TRAPPC8: variants seen among roughly 807,000 people sequenced by gnomAD.
TRAPPC8 encodes the protein general sporulation gene 1 homolog.
In TRAPPC8, 54 loss-of-function variants were observed where a neutral mutation model predicts 174.3. The ratio of observed to expected loss-of-function variants is 0.31; its 90% CI spans 0.25 to 0.39. The LOEUF (loss-of-function observed/expected upper bound fraction) is 0.39. Among genes scored for constraint, TRAPPC8 ranks in the 10% least tolerant of loss-of-function variants. The probability of loss-of-function intolerance (pLI) is 1.00; values close to 1 mark genes in which losing one functional copy is unlikely to be tolerated. For missense variants in TRAPPC8, 1,531 were observed against 1,699.1 expected (o/e 0.90, Z 1.74); for synonymous variants, 630 against 579.9 (o/e 1.09, Z -1.24).
chr18:31,834,730 C>T (rs751031053), intron 27 of TRAPPC8, among the ~76,000 whole-genome samples: 5 of 152,186 alleles, frequency 3.3e-5, no homozygotes, highest in Non-Finnish European at 5.9e-5. Flanking sequence ...CTCATGGCAG[C>T]TAAACATAGT....
intron 19 of TRAPPC8, 28 bp downstream of exon 19, chr18:31,864,599 G>A: frequency 6.2e-7 from 1 of 1,600,736 alleles, no homozygotes; most frequent in Non-Finnish European, 8.5e-7. Context: ...GATAAATTAA[G>A]TCCATGAAAT....
chr18:31,907,430 T>G, intron 9 of TRAPPC8, 30 bp downstream of exon 9: 1 of 1,527,508 alleles, frequency 6.5e-7, no homozygotes, highest in Non-Finnish European at 8.8e-7. Context: ...GTAGCAGAAT[T>G]AAGGAATTAT....
chr18:31,942,286 C>T (rs2038378324), intron 1 of TRAPPC8, among the ~76,000 whole-genome samples: 1 of 152,212 alleles, frequency 6.6e-6, no homozygotes, highest in South Asian at 2.1e-4. Context: ...GTGCCTAATT[C>T]CTTCGCTATG....
chr18:31,894,079 TG>T (rs1407613695), intron 11 of TRAPPC8, among the ~76,000 whole-genome samples: 1 of 152,232 alleles, frequency 6.6e-6, no homozygotes, highest in Non-Finnish European at 1.5e-5. Flanking sequence ...AAGGCAGATG[TG>T]GAAGTCCATG....
intron 27 of TRAPPC8, among the ~76,000 whole-genome samples, chr18:31,835,221 T>C (rs1171446440): frequency 6.6e-6 from 1 of 152,322 alleles, no homozygotes; most frequent in Middle Eastern, 3.4e-3. Flanking sequence ...ATGTGTAGTC[T>C]GAACATCTGC....
chr18:31,903,864 A>C (rs1568117111), intron 9 of TRAPPC8, among the ~76,000 whole-genome samples: 2 of 151,914 alleles, frequency 1.3e-5, no homozygotes, highest in Admixed American at 1.3e-4. Context: ...GTATCAAAAA[A>C]AAAAACAAAC....
rs1259899654 is a variant in TRAPPC8 at position 31,880,090 on chromosome 18, A to AAAAT, written c.1729-5387_1729-5386insATTT. On this transcript the variant is annotated intron_variant, in intron 12 of 28. Coordinates refer to ENST00000283351, the MANE Select transcript of TRAPPC8 (RefSeq NM_014939.5). ...TTTTACTGAAACTATTGAAAAAAAA[A>AAAAT]ATATATATATATATATATATATATA... 7.3e-3 allele frequency among the ~76,000 whole-genome samples: 625 copies of AAAAT among 85,278 alleles called. 5 individuals are homozygous for AAAAT. The highest frequency in any genetic ancestry group is 0.011 in the Non-Finnish European group (487 of 45,650). The allele number at this position is 85,278 out of a possible 152,430, so 55.9% of individuals were successfully genotyped here. A position where few individuals can be genotyped will look rare whatever the true frequency, so the allele number is the denominator to read the frequency against.
chr18:31,913,826 AAG>A (rs1473064319), intron 4 of TRAPPC8, among the ~76,000 whole-genome samples: 1 of 152,144 alleles, frequency 6.6e-6, no homozygotes, highest in African/African-American at 2.4e-5. Flanking sequence ...ACGTTATTCA[AAG>A]AGAGAGCTCT....
chr18:31,941,421 C>A (rs915852233), intron 1 of TRAPPC8, among the ~76,000 whole-genome samples: 4 of 152,022 alleles, frequency 2.6e-5, no homozygotes, highest in Admixed American at 2.6e-4. Context: ...CCAGTCTGGG[C>A]AACAAGAGCG....
At position 31,942,814 on chromosome 18, in the gene TRAPPC8, G is replaced by A. The variant is rs2038409387; in HGVS notation, c.-50C>T. On this transcript the variant is annotated 5_prime_UTR_variant, in exon 1 of 29. Transcript: ENST00000283351. ...GCCCGCCCTCCGGCCCACCCTGCGA[G>A]GTTATCCTGCGGCTGCAGCAGCTAC... 3.1e-6 allele frequency: 4 copies of A among 1,300,776 alleles called. No individual in the cohort carries two copies. The highest frequency in any genetic ancestry group is 3.9e-6 in the Non-Finnish European group (4 of 1,019,674). 80.6% of individuals were successfully genotyped at this position (1,300,776 alleles called of 1,614,324 possible).
chr18:31,907,550 C>T lies in TRAPPC8; in HGVS notation c.1299G>A (p.Val433=). ...IRKMADLCFL[V]QHYDLAYSCY... is the part of the protein sequence containing the mutation. ...AACTGTAAGCCAAATCATAATGCTGCACCAAAAAACATAAGTCAGCCATTT... is the reference window on the plus strand; with the variant it reads ...AACTGTAAGCCAAATCATAATGCTGTACCAAAAAACATAAGTCAGCCATTT... Residue 433 remains valine, a synonymous_variant, in exon 9 of 29, where the codon GTG becomes GTA. Coordinates refer to ENST00000283351, the MANE Select transcript of TRAPPC8 (RefSeq NM_014939.5). The T allele has an allele frequency of 6.2e-7, 1 of 1,611,224 alleles. No homozygotes were observed.
intron 12 of TRAPPC8, among the ~76,000 whole-genome samples, chr18:31,882,577 C>A (rs2035507771): frequency 6.6e-6 from 1 of 152,016 alleles, no homozygotes; most frequent in Non-Finnish European, 1.5e-5. Flanking sequence ...TATACTCATG[C>A]AGCAAACACA....
chr18:31,931,570 C>A, intron 1 of TRAPPC8, 47 bp from the exon 2 acceptor site: 4 of 1,402,318 alleles, frequency 2.9e-6, no homozygotes, highest in Middle Eastern at 2.1e-4. Flanking sequence ...CTATACAATG[C>A]ATAATAACCC....
intron 4 of TRAPPC8, among the ~76,000 whole-genome samples, chr18:31,915,476 G>GGT (rs1334959596): frequency 1.5e-5 from 2 of 129,114 alleles, no homozygotes; most frequent in Non-Finnish European, 3.3e-5. Context: ...AAAAGGGGGG[G>GGT]GGGGCGCAGG....
intron 16 of TRAPPC8, among the ~76,000 whole-genome samples, chr18:31,868,486 TA>T (rs1266784531): frequency 6.6e-6 from 1 of 152,126 alleles, no homozygotes; most frequent in Non-Finnish European, 1.5e-5. Flanking sequence ...TAAATCTTTT[TA>T]AAAAACGTTT....
chr18:31,904,251 A>G (rs1410779864), intron 9 of TRAPPC8, among the ~76,000 whole-genome samples: 1 of 151,582 alleles, frequency 6.6e-6, no homozygotes, highest in African/African-American at 2.4e-5. Context: ...AAAAAAAAAA[A>G]GAAAAAAGAA....
intron 2 of TRAPPC8, among the ~76,000 whole-genome samples, chr18:31,918,113 G>C (rs993442626): frequency 1.3e-5 from 2 of 152,028 alleles, no homozygotes; most frequent in Admixed American, 1.3e-4. Flanking sequence ...GTGACAGAAT[G>C]AGACTCCGTC....
chr18:31,855,221 T>C (rs957346922), intron 21 of TRAPPC8, among the ~76,000 whole-genome samples: 6 of 151,782 alleles, frequency 4.0e-5, no homozygotes, highest in Admixed American at 6.6e-5. Flanking sequence ...TATATTAGAG[T>C]GCATAAACAG....
intron 18 of TRAPPC8, 60 bp from the exon 19 acceptor site, chr18:31,864,841 A>G: frequency 1.4e-6 from 2 of 1,418,132 alleles, no homozygotes; most frequent in Non-Finnish European, 1.9e-6. Flanking sequence ...ACATCAATTT[A>G]ACTTGAATAT....
Sources: gnomAD v4.1 joint callset for allele counts (sites outside exome capture counted in the v4.1 genomes callset) on GRCh38, gnomAD v4.1.1 for gene constraint, MANE v1.5 for transcripts, NCBI Gene and HGNC (gene_info 2026-07-23, HGNC 2026-07-21) for gene names.